The following PRR11 variants were observed in gnomAD, a reference collection of about 807,000 sequenced individuals.
The protein encoded by PRR11 is proline-rich protein 11.
In PRR11, 30 loss-of-function variants were observed where a neutral mutation model predicts 45.6. The ratio of observed to expected loss-of-function variants is 0.66; its 90% CI spans 0.49 to 0.89. PRR11 has a LOEUF of 0.89. Among genes scored for constraint, PRR11 ranks in the 40% least tolerant of loss-of-function variants. The pLI is 0.00. For missense variants in PRR11, 373 were observed against 424.8 expected (o/e 0.88, Z 1.07); for synonymous variants, 128 against 153.5 (o/e 0.83, Z 1.23).
intron 2 of PRR11, among the ~76,000 whole-genome samples, chr17:59,182,276 C>T (rs1476465943): frequency 1.3e-5 from 2 of 151,760 alleles, no homozygotes; most frequent in East Asian, 3.9e-4. Flanking sequence ...GATCTGCCCG[C>T]CTTGGCCTCC....
At chr17:59,167,096 G>C (rs974262564) in intron 1 of PRR11, among the ~76,000 whole-genome samples, 1 of 152,126 alleles carries the variant, frequency 6.6e-6, no homozygotes. Flanking sequence ...TCCAGGAGGC[G>C]GAGCTTGCAG....
At chr17:59,160,939 G>A (rs962866865) in intron 1 of PRR11, 6 of 149,884 alleles carry the variant, frequency 4.0e-5, no homozygotes, top group Non-Finnish European at 8.9e-5. Context: ...CTCTCACTGT[G>A]TTGCCCAGAG....
chr17:59,166,613 TA>T lies in PRR11; in HGVS notation c.-5-3134del, dbSNP rs368154301. Among the ~76,000 whole-genome samples the T allele has an allele frequency of 4.4e-4, 67 of 152,270 alleles. No individual in the cohort carries two copies. In the East Asian group the frequency reaches 9.8e-3, roughly 22 times the overall value. On this transcript the variant is annotated intron_variant, in intron 1 of 9. Coordinates refer to ENST00000262293, the MANE Select transcript of PRR11 (RefSeq NM_018304.4). ...TAAATTGATCATTATGATATATACT[TA>T]TATAGATATATGTTAGTGTATAGCA... is the stretch of plus-strand genomic sequence containing the variant.
chr17:59,197,597 T>C lies in PRR11; in HGVS notation c.911T>C (p.Val304Ala). The change falls in exon 8 of 10, where the codon GTA becomes GCA. Residue 304 changes from valine (V) to alanine (A), a missense_variant. Physicochemically the swap from Val to Ala is moderately conservative, Grantham distance 64 (BLOSUM62 0). Transcript: ENST00000262293. ...CGGAAACTGCTTAGAAAAGTCGATG[T>C]AGAGAGGTAATACACTCTCATATCT... ...DLRKLLRKVD[V>A]ERSPGGTPLT... 6.2e-7 allele frequency: 1 copy of C among 1,613,494 alleles called. No homozygotes were observed. Among genetic ancestry groups the C allele is most frequent in the Non-Finnish European group, 8.5e-7 (1 of 1,179,376 alleles).
intron 5 of PRR11, 46 bp from the exon 6 acceptor site, chr17:59,194,711 T>C (rs1387248915): frequency 2.1e-6 from 3 of 1,449,592 alleles, no homozygotes; most frequent in Non-Finnish European, 2.9e-6. Flanking sequence ...ATTTCACCAG[T>C]TGTGCTGGTT....
chr17:59,179,561 T>C, intron 2 of PRR11: 1 of 1,431,544 alleles, frequency 7.0e-7, no homozygotes, highest in Non-Finnish European at 9.4e-7. Flanking sequence ...TGGGGGCATA[T>C]TTTTCCCATT....
chr17:59,194,815 T>C lies in PRR11; in HGVS notation c.704T>C (p.Val235Ala), dbSNP rs1397715608. The C allele has an allele frequency of 6.2e-7, 1 of 1,613,768 alleles. No homozygotes were observed. The highest frequency in any genetic ancestry group is 8.5e-7 in the Non-Finnish European group (1 of 1,179,850). The part of the protein sequence containing the change: ...MQITVKDLLT[V>A]KLKKTQSLDE... ...ATAACAGTTAAAGATCTGCTGACTG[T>C]AAAATTAAAGAAGACACAGAGTTTA... is the stretch of plus-strand genomic sequence containing the variant. The change falls in exon 6 of 10, where the codon GTA (valine) becomes GCA (alanine). Residue 235 changes from valine (V) to alanine (A), a missense_variant. By Grantham distance (64) the Val-to-Ala change is moderately conservative. Coordinates refer to ENST00000262293, the MANE Select transcript of PRR11 (RefSeq NM_018304.4).
chr17:59,193,056 G>A (rs1328810787), intron 4 of PRR11, among the ~76,000 whole-genome samples: 1 of 152,176 alleles, frequency 6.6e-6, no homozygotes, highest in Non-Finnish European at 1.5e-5. Context: ...TCTTATTGAA[G>A]TATTGTTTTG....
intron 2 of PRR11, chr17:59,181,634 G>GGGC: frequency 2.0e-6 from 3 of 1,490,824 alleles, no homozygotes; most frequent in Admixed American, 1.7e-5. Flanking sequence ...TCAGGCTCAG[G>GGGC]GGCGAGCTCC....
chr17:59,169,634 T>C (rs997861435), intron 1 of PRR11, 114 bp from the exon 2 acceptor site: 22 of 964,346 alleles, frequency 2.3e-5, no homozygotes, highest in Non-Finnish European at 3.1e-5. Context: ...ACCAAGATGG[T>C]GGTTTCAAGG....
intron 2 of PRR11, among the ~76,000 whole-genome samples, chr17:59,176,174 C>T (rs1365138872): frequency 1.3e-5 from 2 of 152,086 alleles, no homozygotes; most frequent in Non-Finnish European, 2.9e-5. Flanking sequence ...AAAACACAAA[C>T]GCAAAGTCGA....
intron 2 of PRR11, chr17:59,181,937 GT>G: frequency 9.1e-7 from 1 of 1,094,892 alleles, no homozygotes; most frequent in South Asian, 1.5e-5. Context: ...CCATTCTTCC[GT>G]ATCTCTGTCC....
At chr17:59,184,926 G>T in intron 2 of PRR11, 128 bp from the exon 3 acceptor site, 1 of 552,658 alleles carries the variant, frequency 1.8e-6, no homozygotes, top group Non-Finnish European at 2.9e-6. Flanking sequence ...TGAACTCCTG[G>T]TCTCAAGCAA....
chr17:59,189,425 C>A (rs1341168531), intron 4 of PRR11, among the ~76,000 whole-genome samples: 2 of 152,066 alleles, frequency 1.3e-5, no homozygotes, highest in East Asian at 3.9e-4. Context: ...CCTCCGCCTT[C>A]TGGGTTCAAG....
At chr17:59,158,543 TTATG>T (rs2046636788) in intron 1 of PRR11, among the ~76,000 whole-genome samples, 1 of 152,178 alleles carries the variant, frequency 6.6e-6, no homozygotes. Context: ...CTAAAAAAAT[TTATG>T]TATGTATATA....
intron 2 of PRR11, among the ~76,000 whole-genome samples, chr17:59,183,081 A>G (rs2046797031): frequency 6.6e-6 from 1 of 152,274 alleles, no homozygotes; most frequent in East Asian, 1.9e-4. Flanking sequence ...CTCTGATGTC[A>G]TTGGTCATTC....
rs868120783 is a variant in PRR11, at chr17:59,169,522, T to C, written c.-5-226T>C. ...AGCAAAACAAACTGAGAGAGTAATA[T>C]AATGCCAAGACCAAGATCTCTCCAG... On this transcript the variant is annotated intron_variant, in intron 1 of 9. Coordinates refer to ENST00000262293, the MANE Select transcript of PRR11 (RefSeq NM_018304.4). Among the ~76,000 whole-genome samples, 11 of 152,258 alleles carry C rather than the reference T, an allele frequency of 7.2e-5. No homozygotes were observed. In the South Asian group the frequency reaches 1.7e-3, roughly 23 times the overall value.
At chr17:59,168,229 C>T (rs1019811777) in intron 1 of PRR11, among the ~76,000 whole-genome samples, 9 of 151,496 alleles carry the variant, frequency 5.9e-5, no homozygotes, top group African/African-American at 2.2e-4. Flanking sequence ...AGTGCAGTGG[C>T]GTGATCTCGG....
At chr17:59,162,045 G>A (rs531721454) in intron 1 of PRR11, among the ~76,000 whole-genome samples, 10 of 152,110 alleles carry the variant, frequency 6.6e-5, no homozygotes, top group Middle Eastern at 6.8e-3. Flanking sequence ...CTCCACTTTC[G>A]CAAGAGCTGT....
Sources: gnomAD v4.1 joint callset for allele counts (sites outside exome capture counted in the v4.1 genomes callset) on GRCh38, gnomAD v4.1.1 for gene constraint, MANE v1.5 for transcripts, NCBI Gene and HGNC (gene_info 2026-07-23, HGNC 2026-07-21) for gene names.